MYO16: variants seen among roughly 807,000 people sequenced by gnomAD.
MYO16 encodes the protein unconventional myosin-XVI.
Under a neutral mutation model 205.3 loss-of-function variants are expected in MYO16, and 94 were observed. The observed-to-expected ratio is 0.46, with a 90% CI of 0.39 to 0.54. The LOEUF is 0.54. Ranked by LOEUF, MYO16 falls within the 20% of genes least tolerant of loss-of-function variation. The pLI is 0.00. For missense variants in MYO16, 2,315 were observed against 2,387.5 expected, an observed-to-expected ratio of 0.97 and a Z score of 0.63; for synonymous variants, 988 against 954.0, an observed-to-expected ratio of 1.04 and a Z score of -0.66.
intron 16 of MYO16, among the ~76,000 whole-genome samples, chr13:108,925,398 G>A (rs895618451): frequency 6.6e-6 from 1 of 152,176 alleles, no homozygotes; most frequent in African/African-American, 2.4e-5. Context: ...TTACTTGTTG[G>A]TAGAGGTAGT....
intron 6 of MYO16, among the ~76,000 whole-genome samples, chr13:108,800,697 G>T (rs2138967048): frequency 6.6e-6 from 1 of 152,268 alleles, no homozygotes; most frequent in African/African-American, 2.4e-5. Context: ...TGGTCCTCAA[G>T]ATTAGTTTTC....
At chr13:108,773,249 C>T (rs966892631) in intron 4 of MYO16, among the ~76,000 whole-genome samples, 9 of 152,182 alleles carry the variant, frequency 5.9e-5, no homozygotes, top group African/African-American at 1.7e-4. Flanking sequence ...GGCAGTATCT[C>T]TATACATGTA....
intron 20 of MYO16, among the ~76,000 whole-genome samples, chr13:108,987,387 C>G (rs1347543497): frequency 6.6e-6 from 1 of 152,150 alleles, no homozygotes; most frequent in South Asian, 2.1e-4. Flanking sequence ...CTTCTTCCCC[C>G]CAAGTTTCTC....
intron 4 of MYO16, among the ~76,000 whole-genome samples, chr13:108,764,502 G>C (rs530999120): frequency 1.3e-5 from 2 of 150,446 alleles, no homozygotes; most frequent in Admixed American, 1.3e-4. Context: ...AGGTAAGTGG[G>C]CACCGGCTGG....
intron 16 of MYO16, among the ~76,000 whole-genome samples, chr13:108,919,178 G>A (rs1003611142): frequency 6.6e-6 from 1 of 152,206 alleles, no homozygotes; most frequent in African/African-American, 2.4e-5. Context: ...CACGAGCATT[G>A]TGGCTATCAT....
intron 1 of MYO16, among the ~76,000 whole-genome samples, chr13:108,648,733 C>T (rs1219107400): frequency 1.3e-5 from 2 of 151,998 alleles, no homozygotes; most frequent in Non-Finnish European, 2.9e-5. Flanking sequence ...ACACGAGTCA[C>T]TTGGTTGCCA....
chr13:109,123,702 C>G (rs774938285), intron 29 of MYO16, among the ~76,000 whole-genome samples: 1 of 152,146 alleles, frequency 6.6e-6, no homozygotes, highest in Admixed American at 6.5e-5. Context: ...CTGAAAAAAA[C>G]GCTTTCAGCA....
chr13:108,818,654 C>A (rs1043026842), intron 7 of MYO16, among the ~76,000 whole-genome samples: 1 of 152,018 alleles, frequency 6.6e-6, no homozygotes, highest in Non-Finnish European at 1.5e-5. Context: ...ATAGGGCATG[C>A]ATAAAATGAC....
intron 22 of MYO16, among the ~76,000 whole-genome samples, chr13:109,015,638 T>C (rs1461217540): frequency 6.6e-6 from 1 of 152,160 alleles, no homozygotes; most frequent in African/African-American, 2.4e-5. Flanking sequence ...TCAATTTCAG[T>C]GCCTGCTATT....
intron 32 of MYO16, among the ~76,000 whole-genome samples, chr13:109,161,307 A>G (rs1878370951): frequency 6.6e-6 from 1 of 152,242 alleles, no homozygotes; most frequent in Admixed American, 6.5e-5. Flanking sequence ...CAACAAATGA[A>G]ACAGTGAAGG....
intron 10 of MYO16, among the ~76,000 whole-genome samples, chr13:108,849,833 T>C (rs1200430839): frequency 6.6e-6 from 1 of 150,704 alleles, no homozygotes; most frequent in Non-Finnish European, 1.5e-5. Context: ...AACTTATCCA[T>C]ACTGGATTAT....
chr13:108,644,372 CT>C (rs1880648136), intron 1 of MYO16, among the ~76,000 whole-genome samples: 1 of 126,882 alleles, frequency 7.9e-6, no homozygotes, highest in East Asian at 2.2e-4. Context: ...GTCTATCTAT[CT>C]ATCTATCTAT....
chr13:109,148,946 CA>C (rs1418013581), intron 32 of MYO16, among the ~76,000 whole-genome samples: 1 of 152,138 alleles, frequency 6.6e-6, no homozygotes, highest in Non-Finnish European at 1.5e-5. Context: ...CATGAAACTT[CA>C]GGGTGTGTGG....
intron 3 of MYO16, among the ~76,000 whole-genome samples, chr13:108,715,535 G>A (rs1331166676): frequency 2.0e-5 from 3 of 152,184 alleles, no homozygotes; most frequent in African/African-American, 7.2e-5. Flanking sequence ...CCAGGAGAGT[G>A]CCTGATACTC....
At chr13:108,695,885 T>G (rs1192664067) in intron 2 of MYO16, among the ~76,000 whole-genome samples, 1 of 152,174 alleles carries the variant, frequency 6.6e-6, no homozygotes, top group Non-Finnish European at 1.5e-5. Context: ...AGTTGAAAAC[T>G]AATGTGATTT....
intron 1 of MYO16, among the ~76,000 whole-genome samples, chr13:108,611,177 A>C (rs533287951): frequency 6.3e-4 from 96 of 152,330 alleles, no homozygotes; most frequent in African/African-American, 2.2e-3. Flanking sequence ...GAGTAAATCA[A>C]CATAAAATAT....
At chr13:108,849,616 CTTTTGTGTGTGT>C (rs1198559003) in intron 10 of MYO16, among the ~76,000 whole-genome samples, 7 of 77,818 alleles carry the variant, frequency 9.0e-5, no homozygotes, top group South Asian at 1.1e-3. Flanking sequence ...TGAATTTCCT[CTTTTGTGTGTGT>C]GTGTGTGTGT....
chr13:108,949,490 A>C (rs965228921), intron 16 of MYO16, among the ~76,000 whole-genome samples: 11 of 152,258 alleles, frequency 7.2e-5, no homozygotes, highest in Admixed American at 6.5e-4. Context: ...TTAACAAAAC[A>C]TGTACAGAAT....
At chr13:108,925,902 C>A (rs942157062) in intron 16 of MYO16, among the ~76,000 whole-genome samples, 1 of 152,170 alleles carries the variant, frequency 6.6e-6, no homozygotes, top group African/African-American at 2.4e-5. Flanking sequence ...CCCCTTCCTG[C>A]CCCCATTAAA....
Sources: allele counts gnomAD v4.1 joint callset (sites outside exome capture counted in the v4.1 genomes callset), GRCh38; gene constraint gnomAD v4.1.1; transcripts MANE v1.5; gene names NCBI Gene and HGNC (gene_info 2026-07-23, HGNC 2026-07-21).